Variants in SPOCK3 observed in about 807,000 individuals in gnomAD.
SPOCK3 encodes SPARC (osteonectin), cwcv and kazal like domains proteoglycan 3, also known as testican-3.
SPOCK3 carries 30 observed loss-of-function variants against 56.6 expected under a neutral mutation model. The observed-to-expected ratio is 0.53, with a 90% CI of 0.40 to 0.72. The LOEUF is 0.72. SPOCK3 is among the 30% of genes least tolerant of loss of function. The pLI is 0.00. For synonymous variants in SPOCK3, 196 were observed against 183.3 expected (o/e 1.07, Z -0.56); for missense variants, 527 against 530.0 (o/e 0.99, Z 0.06).
chr4:166,898,367 C>A (rs1377263566), intron 5 of SPOCK3, among the ~76,000 whole-genome samples: 1 of 151,950 alleles, frequency 6.6e-6, no homozygotes, highest in African/African-American at 2.4e-5. Context: ...ACAGAAGGCC[C>A]AGTACACTCA....
At chr4:166,822,267 C>T (rs1020006116) in intron 6 of SPOCK3, among the ~76,000 whole-genome samples, 4 of 151,980 alleles carry the variant, frequency 2.6e-5, no homozygotes, top group Admixed American at 1.3e-4. Flanking sequence ...CGCTGACCAA[C>T]GAAATGAACT....
intron 4 of SPOCK3, among the ~76,000 whole-genome samples, chr4:166,946,027 C>T (rs925847803): frequency 1.6e-5 from 1 of 64,048 alleles, no homozygotes; most frequent in Non-Finnish European, 3.3e-5. Context: ...AAACTTCTTG[C>T]ATTTTGTAAA....
rs1268118622 is a variant in SPOCK3 at position 166,738,711 on chromosome 4, C to T, written c.995-1107G>A. 2.4e-4 allele frequency among the ~76,000 whole-genome samples: 35 copies of T among 144,404 alleles called. No individual in the cohort carries two copies. The East Asian group carries it at 3.3e-3, about 14-fold the overall frequency. 94.7% of individuals were successfully genotyped at this position (144,404 alleles called of 152,430 possible). On this transcript the variant is annotated intron_variant, in intron 9 of 10. Transcript: ENST00000357545. ...TTCAATTCCCACCTATGAGTGAGAACATGCGGTGTTTGGTTTTTTGTCCTT... is the reference window on the plus strand; with the variant it reads ...TTCAATTCCCACCTATGAGTGAGAATATGCGGTGTTTGGTTTTTTGTCCTT...
intron 2 of SPOCK3, among the ~76,000 whole-genome samples, chr4:167,232,119 C>T (rs1057008427): frequency 1.8e-4 from 28 of 152,098 alleles, no homozygotes; most frequent in Admixed American, 1.7e-3. Flanking sequence ...GCATATTTAG[C>T]TCTATAGTAG....
intron 5 of SPOCK3, among the ~76,000 whole-genome samples, chr4:166,893,052 T>C (rs921883366): frequency 2.0e-5 from 3 of 152,008 alleles, no homozygotes; most frequent in Non-Finnish European, 2.9e-5. Flanking sequence ...TGAGACAATT[T>C]TGTTTGTCAC....
intron 3 of SPOCK3, among the ~76,000 whole-genome samples, chr4:167,010,737 A>C (rs964223059): frequency 5.3e-5 from 8 of 152,240 alleles, no homozygotes; most frequent in Non-Finnish European, 8.8e-5. Flanking sequence ...AGAAGCGATG[A>C]TGAGCAATAA....
intron 4 of SPOCK3, among the ~76,000 whole-genome samples, chr4:166,917,833 T>C (rs533089212): frequency 1.5e-4 from 23 of 152,164 alleles, no homozygotes; most frequent in Non-Finnish European, 3.1e-4. Flanking sequence ...TTACCCAGTC[T>C]CAGGCATTTC....
intron 8 of SPOCK3, among the ~76,000 whole-genome samples, chr4:166,747,063 G>A (rs185940998): frequency 0.013 from 1,780 of 135,962 alleles, 14 homozygotes; most frequent in Middle Eastern, 0.035. Flanking sequence ...GTACAAGGAG[G>A]AGCTGGTACC....
At chr4:167,018,625 C>A (rs1750873619) in intron 3 of SPOCK3, among the ~76,000 whole-genome samples, 2 of 152,076 alleles carry the variant, frequency 1.3e-5, no homozygotes, top group African/African-American at 4.8e-5. Context: ...CAGAGGATAT[C>A]TGACTGTGTC....
At chr4:167,233,497 G>A (rs867689981) in intron 2 of SPOCK3, among the ~76,000 whole-genome samples, 2 of 152,104 alleles carry the variant, frequency 1.3e-5, no homozygotes, top group Non-Finnish European at 2.9e-5. Flanking sequence ...TACTGGTGCC[G>A]CCAAACATCC....
chr4:167,154,973 G>A (rs1764698628), intron 2 of SPOCK3, among the ~76,000 whole-genome samples: 1 of 152,036 alleles, frequency 6.6e-6, no homozygotes, highest in Non-Finnish European at 1.5e-5. Context: ...TTATCCTAAT[G>A]TTTTGCCTTG....
At chr4:166,841,655 T>C (rs1394493554) in intron 6 of SPOCK3, among the ~76,000 whole-genome samples, 1 of 124,666 alleles carries the variant, frequency 8.0e-6, no homozygotes, top group Non-Finnish European at 1.6e-5. Flanking sequence ...TGTCCATAAA[T>C]GCCCTTTTGC....
intron 3 of SPOCK3, among the ~76,000 whole-genome samples, chr4:167,035,838 A>G (rs1471977024): frequency 1.3e-5 from 2 of 152,176 alleles, no homozygotes; most frequent in Non-Finnish European, 2.9e-5. Context: ...TGTGCCTACT[A>G]TCAGGAGTTC....
intron 2 of SPOCK3, among the ~76,000 whole-genome samples, chr4:167,121,281 C>T (rs1398758478): frequency 4.6e-5 from 7 of 151,754 alleles, no homozygotes; most frequent in East Asian, 1.9e-4. Context: ...TTGGACATGG[C>T]TCATATTTTT....
At chr4:167,132,831 T>C (rs1190415368) in intron 2 of SPOCK3, among the ~76,000 whole-genome samples, 2 of 152,178 alleles carry the variant, frequency 1.3e-5, no homozygotes, top group African/African-American at 2.4e-5. Context: ...CTCATCTGTG[T>C]GTCTCTTATA....
chr4:166,748,072 ATAGAT>A, intron 8 of SPOCK3, among the ~76,000 whole-genome samples: 1 of 152,080 alleles, frequency 6.6e-6, no homozygotes, highest in East Asian at 1.9e-4. Context: ...AAGGTAATTT[ATAGAT>A]TCAATGCCAT....
At chr4:167,071,307 G>A (rs923794422) in intron 2 of SPOCK3, among the ~76,000 whole-genome samples, 1 of 151,992 alleles carries the variant, frequency 6.6e-6, no homozygotes, top group East Asian at 1.9e-4. Context: ...TTGTTACATA[G>A]GTATACATGT....
intron 3 of SPOCK3, among the ~76,000 whole-genome samples, chr4:167,010,246 C>T (rs1264172207): frequency 6.6e-6 from 1 of 152,016 alleles, no homozygotes; most frequent in Non-Finnish European, 1.5e-5. Context: ...CCAGGCCAGA[C>T]GTGGTGGCTC....
chr4:166,821,782 C>T (rs534509987), intron 6 of SPOCK3, among the ~76,000 whole-genome samples: 2 of 151,998 alleles, frequency 1.3e-5, no homozygotes, highest in East Asian at 3.9e-4. Context: ...CATGAGGTTT[C>T]TTTGGGGATA....
Sources: gnomAD v4.1 joint callset for allele counts (sites outside exome capture counted in the v4.1 genomes callset) on GRCh38, gnomAD v4.1.1 for gene constraint, MANE v1.5 for transcripts, NCBI Gene and HGNC (gene_info 2026-07-23, HGNC 2026-07-21) for gene names.